The following THSD4 variants were observed in gnomAD, a reference collection of about 807,000 sequenced individuals.
THSD4 encodes thrombospondin type-1 domain-containing protein 4.
Under a neutral mutation model 119.0 loss-of-function variants are expected in THSD4, and 69 were observed. The ratio of observed to expected loss-of-function variants is 0.58; its 90% CI spans 0.48 to 0.71. The LOEUF (loss-of-function observed/expected upper bound fraction) is 0.71. THSD4 is among the 30% of genes least tolerant of loss of function. THSD4 has a pLI of 0.00. For synonymous variants in THSD4, 524 were observed against 540.4 expected (o/e 0.97, Z 0.42); for missense variants, 1,393 against 1,391.1 (o/e 1.00, Z -0.02).
In THSD4 at chr15:71,361,168, G is replaced by A. The variant is rs560695070; in HGVS notation, c.1016-50519G>A. ...TACTGAGGGATCTGGACTTGATTCT[G>A]TAGGTAATGGGGAGCCACTGAAGGA... On this transcript the variant is annotated intron_variant, in intron 6 of 17. Coordinates refer to ENST00000261862, the MANE Select transcript of THSD4 (RefSeq NM_024817.3). Among the ~76,000 whole-genome samples, 9 of 152,324 alleles carry A rather than the reference G, an allele frequency of 5.9e-5. No homozygotes were observed. In the East Asian group the frequency reaches 1.7e-3, roughly 29 times the overall value.
chr15:71,670,773 G>T (rs2051509997), intron 8 of THSD4, among the ~76,000 whole-genome samples: 1 of 151,646 alleles, frequency 6.6e-6, no homozygotes, highest in South Asian at 2.1e-4. Flanking sequence ...GCAATAGTTT[G>T]CTCAGAATGC....
At chr15:71,703,994 C>T (rs1230458465) in intron 8 of THSD4, among the ~76,000 whole-genome samples, 44 of 152,006 alleles carry the variant, frequency 2.9e-4, no homozygotes, top group Admixed American at 2.5e-3. Context: ...GGATTACAGG[C>T]GCCCACCACC....
At chr15:71,464,852 C>T (rs1012406919) in intron 7 of THSD4, among the ~76,000 whole-genome samples, 1 of 152,186 alleles carries the variant, frequency 6.6e-6, no homozygotes, top group Non-Finnish European at 1.5e-5. Context: ...AAAACTATGA[C>T]CTTCCATTAG....
At chr15:71,761,391 C>G (rs949625710) in intron 15 of THSD4, among the ~76,000 whole-genome samples, 2 of 152,030 alleles carry the variant, frequency 1.3e-5, no homozygotes, top group Non-Finnish European at 1.5e-5. Flanking sequence ...ACAATATCTC[C>G]AAAAAGATGT....
intron 1 of THSD4, among the ~76,000 whole-genome samples, chr15:71,136,216 T>G: frequency 6.6e-6 from 1 of 152,014 alleles, no homozygotes; most frequent in Non-Finnish European, 1.5e-5. Flanking sequence ...GACTCTTTTC[T>G]CATCATGCAA....
chr15:71,748,575 T>G lies in THSD4; in HGVS notation c.2396T>G (p.Leu799Arg). The G allele has an allele frequency of 6.2e-7, 1 of 1,614,170 alleles. No individual in the cohort carries two copies. Among genetic ancestry groups the G allele is most frequent in the Non-Finnish European group, 8.5e-7 (1 of 1,180,024 alleles). Reference sequence around the variant, plus strand: ...GGACCCTGTGCCAAGAGCTGGTTCCTCACCGAGTGGAGCGAAAGGGTGAGT... The same window carrying G: ...GGACCCTGTGCCAAGAGCTGGTTCCGCACCGAGTGGAGCGAAAGGGTGAGT... The part of the protein sequence containing the change: ...DMGPCAKSWF[L>R]TEWSERCSAE... The change falls in exon 14 of 18, where the codon CTC (leucine) becomes CGC (arginine). Residue 799 changes from leucine (L) to arginine (R), a missense_variant. Physicochemically the swap from Leu to Arg is moderately radical, Grantham distance 102. Transcript: ENST00000261862.
At chr15:71,618,462 T>G (rs993312471) in intron 7 of THSD4, among the ~76,000 whole-genome samples, 2 of 152,108 alleles carry the variant, frequency 1.3e-5, no homozygotes. Context: ...AATATGCAAA[T>G]TGCTAAAGAC....
At chr15:71,760,426 C>A (rs1426062057) in intron 15 of THSD4, among the ~76,000 whole-genome samples, 1 of 152,150 alleles carries the variant, frequency 6.6e-6, no homozygotes, top group Non-Finnish European at 1.5e-5. Context: ...ATTTCTGCTG[C>A]TTCCCAGATC....
chr15:71,287,334 G>A (rs1225740464), intron 6 of THSD4, among the ~76,000 whole-genome samples: 2 of 152,050 alleles, frequency 1.3e-5, no homozygotes, highest in African/African-American at 2.4e-5. Flanking sequence ...AAAATTGTAC[G>A]TGTCCAAGAA....
At chr15:71,185,253 TA>T (rs1474915804) in intron 3 of THSD4, among the ~76,000 whole-genome samples, 6 of 151,846 alleles carry the variant, frequency 4.0e-5, no homozygotes, top group African/African-American at 1.4e-4. Flanking sequence ...AAAAGAGTTA[TA>T]CCTAATTTAA....
intron 8 of THSD4, among the ~76,000 whole-genome samples, chr15:71,728,216 A>G (rs1040330588): frequency 3.9e-5 from 6 of 152,216 alleles, no homozygotes; most frequent in African/African-American, 1.4e-4. Flanking sequence ...TATATAATAT[A>G]AATACGTTTC....
intron 6 of THSD4, among the ~76,000 whole-genome samples, chr15:71,294,905 CT>C (rs945695635): frequency 4.2e-5 from 6 of 142,010 alleles, no homozygotes; most frequent in African/African-American, 1.6e-4. Flanking sequence ...TGTTCTCAGT[CT>C]GCAGTTCTCA....
At chr15:71,315,541 T>A (rs1028065712) in intron 6 of THSD4, among the ~76,000 whole-genome samples, 13 of 152,356 alleles carry the variant, frequency 8.5e-5, no homozygotes, top group Admixed American at 8.5e-4. Context: ...GCACCCAGGA[T>A]AGGAGGTCAG....
Position 71,176,152 on chromosome 15 carries a change from A to G in THSD4, c.99+21220A>G, listed in dbSNP as rs1179196809. Among the ~76,000 whole-genome samples, 4 of 148,206 alleles carry G rather than the reference A, an allele frequency of 2.7e-5. No individual in the cohort carries two copies. In the East Asian group the frequency reaches 8.0e-4, roughly 29 times the overall value. On this transcript the variant is annotated intron_variant, in intron 3 of 17. Transcript: ENST00000261862. ...ACACATAACAGTATTAACTTTAAAT[A>G]TAAATGGACTACATTCTGCAATTAA...
intron 1 of THSD4, among the ~76,000 whole-genome samples, chr15:71,123,338 C>T (rs1317418626): frequency 1.3e-5 from 2 of 152,164 alleles, no homozygotes; most frequent in Admixed American, 1.3e-4. Flanking sequence ...AATTCCAGAC[C>T]TGACTCTGCA....
rs1346234448 is a variant in THSD4, at chr15:71,771,138, C to T, written c.2844C>T (p.Asn948=). ...TGTCTGATGACATGACTCTAAGTAACCTCTGTGACCCTCAGTTGAAACCAG... is the reference window on the plus strand; with the variant it reads ...TGTCTGATGACATGACTCTAAGTAATCTCTGTGACCCTCAGTTGAAACCAG... ...RCLSDDMTLS[N]LCDPQLKPEE... Residue 948 remains asparagine (N), a synonymous_variant, in exon 17 of 18, where the codon AAC becomes AAT. Transcript: ENST00000261862. The T allele has an allele frequency of 1.9e-6, 3 of 1,614,168 alleles. No homozygotes were observed. The highest frequency in any genetic ancestry group is 3.3e-5 in the Admixed American group (2 of 60,020).
chr15:71,184,990 C>T (rs1457771377), intron 3 of THSD4, among the ~76,000 whole-genome samples: 5 of 151,856 alleles, frequency 3.3e-5, no homozygotes, highest in African/African-American at 1.2e-4. Flanking sequence ...TGACCTTGAG[C>T]TTCTGCTAAC....
chr15:71,201,726 G>A (rs2043805021), intron 3 of THSD4, among the ~76,000 whole-genome samples: 1 of 152,230 alleles, frequency 6.6e-6, no homozygotes, highest in Non-Finnish European at 1.5e-5. Context: ...TGGGCTGTAA[G>A]CTGTTGGCTC....
intron 10 of THSD4, among the ~76,000 whole-genome samples, chr15:71,735,051 A>G (rs1025168671): frequency 2.0e-5 from 3 of 152,156 alleles, no homozygotes; most frequent in African/African-American, 7.2e-5. Context: ...AAACCAGTAG[A>G]TAATTCAATC....
Sources: allele counts gnomAD v4.1 joint callset (sites outside exome capture counted in the v4.1 genomes callset), GRCh38; gene constraint gnomAD v4.1.1; transcripts MANE v1.5; gene names NCBI Gene and HGNC (gene_info 2026-07-23, HGNC 2026-07-21).